The following MCTP1 variants were observed in gnomAD, a reference collection of about 807,000 sequenced individuals.
The protein encoded by MCTP1 is multiple C2 and transmembrane domain-containing protein 1.
MCTP1 carries 69 observed loss-of-function variants against 120.6 expected under a neutral mutation model. That is an observed-to-expected ratio of 0.57 (90% CI 0.47 to 0.70). The LOEUF is 0.70. Ranked by LOEUF, MCTP1 falls within the 30% of genes least tolerant of loss-of-function variation. The pLI, the probability that MCTP1 is intolerant of heterozygous loss-of-function variation, is 0.00. For synonymous variants in MCTP1, 529 were observed against 493.1 expected, an observed-to-expected ratio of 1.07 and a Z score of -0.96; for missense variants, 1,203 against 1,248.8, an observed-to-expected ratio of 0.96 and a Z score of 0.55.
At chr5:94,975,669 C>G (rs1278926432) in intron 2 of MCTP1, among the ~76,000 whole-genome samples, 1 of 152,020 alleles carries the variant, frequency 6.6e-6, no homozygotes, top group Non-Finnish European at 1.5e-5. Flanking sequence ...GACATCCCAT[C>G]TATAGAATAT....
At chr5:94,785,895 G>A (rs150054876) in intron 18 of MCTP1, among the ~76,000 whole-genome samples, 191 of 152,102 alleles carry the variant, frequency 1.3e-3, no homozygotes, top group African/African-American at 4.5e-3. Flanking sequence ...AATAATTTTG[G>A]GAGCTGCAAT....
chr5:94,785,867 C>T (rs1467294756), intron 18 of MCTP1, among the ~76,000 whole-genome samples: 1 of 152,066 alleles, frequency 6.6e-6, no homozygotes, highest in African/African-American at 2.4e-5. Context: ...TCCAAATATC[C>T]TTTGCTCCAA....
At chr5:95,108,863 T>C (rs1235857706) in intron 1 of MCTP1, among the ~76,000 whole-genome samples, 2 of 152,198 alleles carry the variant, frequency 1.3e-5, no homozygotes. Flanking sequence ...AAAATATTAA[T>C]AGGTAGTAAC....
chr5:94,933,696 G>A (rs531559823), intron 5 of MCTP1, among the ~76,000 whole-genome samples: 1 of 151,842 alleles, frequency 6.6e-6, no homozygotes, highest in East Asian at 1.9e-4. Context: ...TATAAGAAAT[G>A]TTATGCTATG....
intron 19 of MCTP1, among the ~76,000 whole-genome samples, chr5:94,755,644 T>C (rs1251444710): frequency 6.6e-6 from 1 of 152,244 alleles, no homozygotes; most frequent in Non-Finnish European, 1.5e-5. Context: ...GTTTCCATGC[T>C]TGGGACCCTT....
intron 18 of MCTP1, among the ~76,000 whole-genome samples, chr5:94,785,323 A>AGAGAAAAACC (rs1777441253): frequency 6.6e-6 from 1 of 152,152 alleles, no homozygotes; most frequent in Non-Finnish European, 1.5e-5. Flanking sequence ...TAAAGGCTTT[A>AGAGAAAAACC]CAATGTATTG....
At chr5:95,201,463 G>GTTTTTTTTTTTTTTTTTTTTTT (rs1562232022) in intron 1 of MCTP1, among the ~76,000 whole-genome samples, 1 of 120,682 alleles carries the variant, frequency 8.3e-6, no homozygotes. Flanking sequence ...AAGGAAAAGT[G>GTTTTTTTTTTTTTTTTTTTTTT]GTTTTTTTTT....
chr5:95,069,711 T>TC (rs1164335667), intron 1 of MCTP1, among the ~76,000 whole-genome samples: 2 of 151,360 alleles, frequency 1.3e-5, no homozygotes, highest in East Asian at 1.9e-4. Flanking sequence ...TTTTTTTTTT[T>TC]TTTTTGAGAC....
chr5:95,007,649 G>T (rs1331342240), intron 2 of MCTP1, among the ~76,000 whole-genome samples: 1 of 152,088 alleles, frequency 6.6e-6, no homozygotes, highest in Non-Finnish European at 1.5e-5. Flanking sequence ...TTTTAAAAAT[G>T]TCCTACAATT....
At chr5:95,107,424 A>G (rs1206219698) in intron 1 of MCTP1, among the ~76,000 whole-genome samples, 2 of 152,246 alleles carry the variant, frequency 1.3e-5, no homozygotes, top group Non-Finnish European at 2.9e-5. Flanking sequence ...TCATATTAGT[A>G]TTATTCACCA....
intron 13 of MCTP1, 89 bp from the exon 14 acceptor site, chr5:94,871,506 G>A: frequency 1.2e-6 from 1 of 857,524 alleles, no homozygotes; most frequent in Non-Finnish European, 1.9e-6. Context: ...AGCTCCAGCT[G>A]ATTTTGTGTG....
intron 2 of MCTP1, among the ~76,000 whole-genome samples, chr5:94,954,439 A>G: frequency 6.6e-6 from 1 of 151,936 alleles, no homozygotes; most frequent in East Asian, 1.9e-4. Context: ...AGAATGAAAT[A>G]CCATCTATTT....
At chr5:94,981,957 T>C (rs117630504) in intron 2 of MCTP1, among the ~76,000 whole-genome samples, 1 of 152,138 alleles carries the variant, frequency 6.6e-6, no homozygotes, top group Non-Finnish European at 1.5e-5. Flanking sequence ...AAAAAATGTT[T>C]TAAGGTTGCC....
intron 1 of MCTP1, among the ~76,000 whole-genome samples, chr5:95,219,434 T>C (rs1319278152): frequency 1.3e-5 from 2 of 151,882 alleles, no homozygotes; most frequent in African/African-American, 2.4e-5. Context: ...ACACAAAATT[T>C]AGTTGACTTA....
chr5:94,729,649 AT>A (rs1762772548), intron 19 of MCTP1, among the ~76,000 whole-genome samples: 1 of 152,222 alleles, frequency 6.6e-6, no homozygotes, highest in South Asian at 2.1e-4. Flanking sequence ...GATAACAATG[AT>A]GGGAAGGAAT....
chr5:94,766,669 A>G (rs1470260944), intron 19 of MCTP1, among the ~76,000 whole-genome samples: 1 of 140,402 alleles, frequency 7.1e-6, no homozygotes, highest in African/African-American at 2.5e-5. Flanking sequence ...CTTAAAGTAT[A>G]GTTAAAAAAA....
intron 1 of MCTP1, among the ~76,000 whole-genome samples, chr5:95,237,465 C>A (rs1755677506): frequency 6.6e-6 from 1 of 152,196 alleles, no homozygotes; most frequent in Non-Finnish European, 1.5e-5. Flanking sequence ...AGAACTGCTT[C>A]AGTTCCTCTA....
At chr5:94,834,412 C>A (rs1580936657) in intron 17 of MCTP1, among the ~76,000 whole-genome samples, 1 of 152,130 alleles carries the variant, frequency 6.6e-6, no homozygotes, top group East Asian at 1.9e-4. Flanking sequence ...ATATTTTTTA[C>A]AATGTGCAGA....
At chr5:95,186,175 G>C (rs1749183702) in intron 1 of MCTP1, among the ~76,000 whole-genome samples, 2 of 149,954 alleles carry the variant, frequency 1.3e-5, no homozygotes, top group South Asian at 4.2e-4. Context: ...GAAAAAAAAA[G>C]ATATTCAGAC....
Sources: gnomAD v4.1 joint callset for allele counts (sites outside exome capture counted in the v4.1 genomes callset) on GRCh38, gnomAD v4.1.1 for gene constraint, MANE v1.5 for transcripts, NCBI Gene and HGNC (gene_info 2026-07-23, HGNC 2026-07-21) for gene names.